The following PTPRO variants were observed in gnomAD, a reference collection of about 807,000 sequenced individuals.
The protein encoded by PTPRO is protein tyrosine phosphatase receptor type O.
A neutral mutation model predicts 145.2 loss-of-function variants in PTPRO; 62 were observed. That is an observed-to-expected ratio of 0.43 (90% CI 0.35 to 0.53). PTPRO has a LOEUF of 0.53. Ranked by LOEUF, PTPRO falls within the 20% of genes least tolerant of loss-of-function variation. The pLI is 0.01. For missense variants in PTPRO, 1,345 were observed against 1,482.7 expected (o/e 0.91, Z 1.53); for synonymous variants, 565 against 514.7 (o/e 1.10, Z -1.32).
chr12:15,368,037 C>A (rs1488572475), intron 1 of PTPRO, among the ~76,000 whole-genome samples: 2 of 152,204 alleles, frequency 1.3e-5, no homozygotes, highest in African/African-American at 4.8e-5. Context: ...CTAAACATTT[C>A]TCAATAAAAC....
intron 23 of PTPRO, among the ~76,000 whole-genome samples, chr12:15,586,537 G>C (rs990389073): frequency 6.6e-6 from 1 of 152,178 alleles, no homozygotes; most frequent in Non-Finnish European, 1.5e-5. Context: ...TGTGTCCCAG[G>C]CTGGCAAAGT....
chr12:15,491,884 G>T (rs776695672), intron 2 of PTPRO, among the ~76,000 whole-genome samples: 2 of 152,144 alleles, frequency 1.3e-5, no homozygotes, highest in African/African-American at 4.8e-5. Context: ...AATGCTCCAC[G>T]CTAGACAGGG....
chr12:15,361,438 CAAAAAA>C (rs71042244), intron 1 of PTPRO, among the ~76,000 whole-genome samples: 1 of 71,302 alleles, frequency 1.4e-5, no homozygotes. Context: ...GACTCAGTCT[CAAAAAA>C]AAAAAAAAAA....
chr12:15,332,282 A>C (rs1183492109), intron 1 of PTPRO, among the ~76,000 whole-genome samples: 1 of 152,192 alleles, frequency 6.6e-6, no homozygotes, highest in East Asian at 1.9e-4. Context: ...TTGTTTAAAA[A>C]ATTATAAATG....
chr12:15,336,459 G>A (rs958116486), intron 1 of PTPRO, among the ~76,000 whole-genome samples: 6 of 152,124 alleles, frequency 3.9e-5, no homozygotes, highest in Non-Finnish European at 7.3e-5. Flanking sequence ...GGAATTTGTT[G>A]AGCAAAGAGA....
chr12:15,481,444 A>C (rs1941776980), intron 1 of PTPRO, among the ~76,000 whole-genome samples: 1 of 152,050 alleles, frequency 6.6e-6, no homozygotes, highest in Non-Finnish European at 1.5e-5. Flanking sequence ...TCATTAATTG[A>C]CTCCTTCACA....
At chr12:15,353,959 T>C (rs1937896278) in intron 1 of PTPRO, among the ~76,000 whole-genome samples, 2 of 152,226 alleles carry the variant, frequency 1.3e-5, no homozygotes, top group Non-Finnish European at 1.5e-5. Context: ...TGTCTGCAGC[T>C]GATCTGGGCT....
intron 9 of PTPRO, among the ~76,000 whole-genome samples, chr12:15,517,600 A>G (rs967887561): frequency 6.6e-6 from 1 of 152,210 alleles, no homozygotes; most frequent in African/African-American, 2.4e-5. Context: ...AAAGCAAGTT[A>G]GTTACTTCCT....
In PTPRO at chr12:15,502,569, G is replaced by T. The variant is rs1235931672; in HGVS notation, c.1105+506G>T. Among the ~76,000 whole-genome samples the T allele has an allele frequency of 2.0e-5, 3 of 152,112 alleles. No individual in the cohort carries two copies. The East Asian group carries it at 5.8e-4, about 29-fold the overall frequency. ...TTTAGGGTGCGCCCCTCTAGAAAAA[G>T]CACCACAGTTTTCCAAAGAGAAGCT... is the stretch of plus-strand genomic sequence containing the variant. On this transcript the variant is annotated intron_variant, in intron 5 of 26. Coordinates refer to ENST00000281171, the MANE Select transcript of PTPRO (RefSeq NM_030667.3).
At position 15,455,318 on chromosome 12, in the gene PTPRO, C is replaced by CA. The variant is rs1375103865; in HGVS notation, c.76-28655dup. Reference sequence around the variant, plus strand: ...CCTCCCCACTGCCCCTTCCCCCCCACACACACAATACCTGAAATCTCTGCC... The same window carrying CA: ...CCTCCCCACTGCCCCTTCCCCCCCACAACACACAATACCTGAAATCTCTGCC... On this transcript the variant is annotated intron_variant, in intron 1 of 26. Coordinates refer to ENST00000281171, the MANE Select transcript of PTPRO (RefSeq NM_030667.3). Among the ~76,000 whole-genome samples the CA allele has an allele frequency of 8.2e-4, 121 of 147,540 alleles. 1 individual carries two copies. The highest frequency in any genetic ancestry group is 4.4e-4 in the Non-Finnish European group (29 of 65,180).
At chr12:15,431,391 A>G (rs1416098602) in intron 1 of PTPRO, among the ~76,000 whole-genome samples, 7 of 152,192 alleles carry the variant, frequency 4.6e-5, no homozygotes, top group Non-Finnish European at 5.9e-5. Flanking sequence ...ATACCATATA[A>G]TTATTTATCT....
intron 2 of PTPRO, among the ~76,000 whole-genome samples, chr12:15,492,219 G>A (rs114154641): frequency 4.9e-4 from 75 of 152,100 alleles, no homozygotes; most frequent in Non-Finnish European, 5.6e-4. Flanking sequence ...AGATGAAAAA[G>A]CATCAAATGA....
At chr12:15,360,623 A>C (rs528946806) in intron 1 of PTPRO, among the ~76,000 whole-genome samples, 8 of 150,734 alleles carry the variant, frequency 5.3e-5, no homozygotes, top group African/African-American at 1.7e-4. Flanking sequence ...CTCTCTCTAT[A>C]TATATATGTG....
chr12:15,336,765 C>T (rs1866777488), intron 1 of PTPRO, among the ~76,000 whole-genome samples: 1 of 152,220 alleles, frequency 6.6e-6, no homozygotes, highest in Non-Finnish European at 1.5e-5. Context: ...GCCATCCCAC[C>T]AGGTCAGCCT....
At chr12:15,401,691 C>A (rs536301263) in intron 1 of PTPRO, among the ~76,000 whole-genome samples, 131 of 152,302 alleles carry the variant, frequency 8.6e-4, no homozygotes, top group African/African-American at 3.0e-3. Context: ...CACCATATTT[C>A]ATAGGTCAAT....
intron 1 of PTPRO, among the ~76,000 whole-genome samples, chr12:15,417,455 G>A (rs1281790055): frequency 6.6e-6 from 1 of 151,656 alleles, no homozygotes; most frequent in Non-Finnish European, 1.5e-5. Flanking sequence ...AATAGCAAAA[G>A]AGTATATTGA....
intron 16 of PTPRO, 84 bp downstream of exon 16, chr12:15,557,607 T>C (rs977935216): frequency 2.4e-6 from 3 of 1,230,178 alleles, no homozygotes; most frequent in Admixed American, 1.7e-5. Flanking sequence ...CCTTTGGGGA[T>C]AGTTTTGTCT....
intron 1 of PTPRO, among the ~76,000 whole-genome samples, chr12:15,372,147 A>G (rs936129162): frequency 2.6e-5 from 4 of 152,180 alleles, no homozygotes; most frequent in Non-Finnish European, 4.4e-5. Flanking sequence ...AAGAATTCTT[A>G]TATGTGTCAA....
rs1372294905 is a variant in PTPRO, at chr12:15,481,804, AT to A, written c.76-2165del. Among the ~76,000 whole-genome samples, 4 of 152,290 alleles carry A rather than the reference AT, an allele frequency of 2.6e-5. No individual in the cohort carries two copies. In the South Asian group the frequency reaches 8.3e-4, roughly 32 times the overall value. ...TAAAATAACAAGAAAAAGTCAGTAC[AT>A]TTTTCAGTCTATAAAACCTCTTGGA... is the stretch of plus-strand genomic sequence containing the variant. On this transcript the variant is annotated intron_variant, in intron 1 of 26. Transcript: ENST00000281171.
Sources: gnomAD v4.1 joint callset for allele counts (sites outside exome capture counted in the v4.1 genomes callset) on GRCh38, gnomAD v4.1.1 for gene constraint, MANE v1.5 for transcripts, NCBI Gene and HGNC (gene_info 2026-07-23, HGNC 2026-07-21) for gene names.